QPCT: variants seen among roughly 807,000 people sequenced by gnomAD.
The protein encoded by QPCT is EC.
Under a neutral mutation model 43.4 loss-of-function variants are expected in QPCT, and 44 were observed. The observed-to-expected ratio is 1.01, with a 90% CI of 0.80 to 1.30. The LOEUF (loss-of-function observed/expected upper bound fraction) is 1.30. Ranked by LOEUF, QPCT falls within the 50% of genes most tolerant of loss-of-function variation. QPCT has a pLI of 0.00. For missense variants in QPCT, 526 were observed against 436.5 expected, an observed-to-expected ratio of 1.21 and a Z score of -1.83; for synonymous variants, 168 against 168.4, an observed-to-expected ratio of 1.00 and a Z score of 0.02.
At chr2:37,358,516 G>A (rs758916103) in intron 2 of QPCT, among the ~76,000 whole-genome samples, 9 of 152,080 alleles carry the variant, frequency 5.9e-5, no homozygotes, top group Non-Finnish European at 1.3e-4. Flanking sequence ...AGATAAAATA[G>A]GGATGGGAAA....
At chr2:37,350,536 C>A (rs1209637492) in intron 1 of QPCT, among the ~76,000 whole-genome samples, 1 of 152,192 alleles carries the variant, frequency 6.6e-6, no homozygotes, top group Non-Finnish European at 1.5e-5. Context: ...GATGTTCAGG[C>A]ACAGCACCAA....
chr2:37,361,614 G>A (rs905591990), intron 3 of QPCT, among the ~76,000 whole-genome samples: 1 of 152,220 alleles, frequency 6.6e-6, no homozygotes, highest in African/African-American at 2.4e-5. Flanking sequence ...GCAGAAGGAT[G>A]AGACACCTGG....
chr2:37,372,867 A>C lies in QPCT; in HGVS notation c.*40A>C. On this transcript the variant is annotated 3_prime_UTR_variant, in exon 7 of 7. Transcript: ENST00000338415. ...TTAGGATAATTGGTTCTAGAATTGAATTCAAAAGTCAAGGCATCATTTAAA... is the reference window on the plus strand; with the variant it reads ...TTAGGATAATTGGTTCTAGAATTGACTTCAAAAGTCAAGGCATCATTTAAA... The C allele has an allele frequency of 1.3e-6, 2 of 1,532,294 alleles. No individual in the cohort carries two copies. Among genetic ancestry groups the C allele is most frequent in the Non-Finnish European group, 1.8e-6 (2 of 1,126,648 alleles). The allele number at this position is 1,532,294 out of a possible 1,614,324, so 94.9% of individuals were successfully genotyped here. A position where few individuals can be genotyped will look rare whatever the true frequency, so the allele number is the denominator to read the frequency against.
rs1672437888 is a variant in QPCT, at chr2:37,344,632, T to G, written c.-100T>G. 6.8e-7 allele frequency: 1 copy of G among 1,464,632 alleles called. No individual in the cohort carries two copies. The highest frequency in any genetic ancestry group is 9.1e-7 in the Non-Finnish European group (1 of 1,104,888). 90.7% of individuals were successfully genotyped at this position (1,464,632 alleles called of 1,614,324 possible). A position where few individuals can be genotyped will look rare whatever the true frequency, so the allele number is the denominator to read the frequency against. On this transcript the variant is annotated 5_prime_UTR_variant, in exon 1 of 7. Coordinates refer to ENST00000338415, the MANE Select transcript of QPCT (RefSeq NM_012413.4). ...GGGGGCGATGGGAAGGCGGGCGCAGTCGACCCAAGGGTGGAGAAGAGGGAA... is the reference window on the plus strand; with the variant it reads ...GGGGGCGATGGGAAGGCGGGCGCAGGCGACCCAAGGGTGGAGAAGAGGGAA...
chr2:37,350,712 T>C (rs1672603354), intron 1 of QPCT, among the ~76,000 whole-genome samples: 1 of 152,336 alleles, frequency 6.6e-6, no homozygotes, highest in South Asian at 2.1e-4. Context: ...TCCACTAATA[T>C]AAATGAAGGA....
rs369596529 is a variant in QPCT, at chr2:37,359,692, T to A, written c.380T>A (p.Leu127His). The change falls in exon 3 of 7, where the codon CTC becomes CAC. Residue 127 changes from leucine to histidine, a missense_variant. By Grantham distance (99) the Leu-to-His change is moderately conservative. Transcript: ENST00000338415. ...TCTTTCTCAAATATCATCAGCACCC[T>A]CAATCCCACTGCTAAACGACATTTG... ...YRSFSNIIST[L>H]NPTAKRHLVL... 9.3e-6 allele frequency: 15 copies of A among 1,614,016 alleles called. No homozygotes were observed. The African/African-American group carries it at 1.7e-4, about 19-fold the overall frequency.
rs759531203 is a variant in QPCT, at chr2:37,359,707, A to C, written c.395A>C (p.Lys132Thr). The change falls in exon 3 of 7, where the codon AAA becomes ACA. Residue 132 changes from lysine (K) to threonine (T), a missense_variant. Physicochemically the swap from Lys to Thr is moderately conservative, Grantham distance 78. Coordinates refer to ENST00000338415, the MANE Select transcript of QPCT (RefSeq NM_012413.4). ...NIISTLNPTA[K>T]RHLVLACHYD... Reference sequence around the variant, plus strand: ...ATCAGCACCCTCAATCCCACTGCTAAACGACATTTGGTCCTCGCCTGCCAC... The same window carrying C: ...ATCAGCACCCTCAATCCCACTGCTACACGACATTTGGTCCTCGCCTGCCAC... 9.3e-6 allele frequency: 15 copies of C among 1,614,024 alleles called. No individual in the cohort carries two copies. In the East Asian group the frequency reaches 3.1e-4, roughly 34 times the overall value.
At position 37,367,504 on chromosome 2, in the gene QPCT, A is replaced by G. The variant is rs1672986346; in HGVS notation, c.723+96A>G. On this transcript the variant is annotated intron_variant, in intron 4 of 6. Transcript: ENST00000338415. ...AGTAAAGACCTAAAAATGCCACAGC[A>G]TCCTTGGAGCACAGTGTTTATGATA... 1.8e-5 allele frequency: 22 copies of G among 1,227,902 alleles called. No individual in the cohort carries two copies. The South Asian group carries it at 2.1e-4, about 12-fold the overall frequency. 76.1% of individuals were successfully genotyped at this position (1,227,902 alleles called of 1,614,324 possible). A position where few individuals can be genotyped will look rare whatever the true frequency, so the allele number is the denominator to read the frequency against.
At chr2:37,366,998 A>G in intron 3 of QPCT, 1 of 461,654 alleles carries the variant, frequency 2.2e-6, no homozygotes, top group Non-Finnish European at 3.8e-6. Flanking sequence ...AATATAAAAG[A>G]CTTCTATTTT....
chr2:37,361,969 T>C (rs780823620), intron 3 of QPCT, among the ~76,000 whole-genome samples: 1 of 152,230 alleles, frequency 6.6e-6, no homozygotes, highest in Non-Finnish European at 1.5e-5. Context: ...AGGCCATGGC[T>C]ATTTTTCTGC....
intron 1 of QPCT, among the ~76,000 whole-genome samples, chr2:37,351,183 C>G (rs1176876782): frequency 6.6e-6 from 1 of 152,230 alleles, no homozygotes; most frequent in Non-Finnish European, 1.5e-5. Flanking sequence ...TTAAGCGTAT[C>G]CAGCTAACAC....
In QPCT at chr2:37,359,695, A is replaced by G. The variant is rs1430482353; in HGVS notation, c.383A>G (p.Asn128Ser). 6.2e-7 allele frequency: 1 copy of G among 1,614,144 alleles called. No homozygotes were observed. Among genetic ancestry groups the G allele is most frequent in the Non-Finnish European group, 8.5e-7 (1 of 1,180,002 alleles). Residue 128 changes from asparagine (N) to serine (S), a missense_variant, in exon 3 of 7, where the codon AAT (asparagine) becomes AGT (serine). Coordinates refer to ENST00000338415, the MANE Select transcript of QPCT (RefSeq NM_012413.4). ...TTCTCAAATATCATCAGCACCCTCA[A>G]TCCCACTGCTAAACGACATTTGGTC... ...RSFSNIISTL[N>S]PTAKRHLVLA...
intron 2 of QPCT, among the ~76,000 whole-genome samples, chr2:37,357,315 A>AT (rs397973663): frequency 0.13 from 17,817 of 140,608 alleles, 3,322 homozygotes; most frequent in African/African-American, 0.41. Flanking sequence ...ATTTTGTGGA[A>AT]TTTTTTTTTT....
At chr2:37,352,029 CAA>C (rs756518422) in intron 1 of QPCT, among the ~76,000 whole-genome samples, 20 of 104,008 alleles carry the variant, frequency 1.9e-4, no homozygotes, top group Admixed American at 2.7e-4. Flanking sequence ...ACCCCAACTT[CAA>C]AAAAAAAAAA....
chr2:37,368,495 C>G, intron 4 of QPCT: 1 of 428,844 alleles, frequency 2.3e-6, no homozygotes, highest in Admixed American at 2.6e-5. Flanking sequence ...AGCTTATTCC[C>G]AGCACCCCCG....
At chr2:37,367,546 G>A (rs1672986993) in intron 4 of QPCT, 138 bp downstream of exon 4, 2 of 916,482 alleles carry the variant, frequency 2.2e-6, no homozygotes, top group Admixed American at 6.4e-5. Context: ...TCCTTGGCAG[G>A]CATTGGGTTT....
Position 37,361,353 on chromosome 2 carries a change from C to G in QPCT, c.546+1495C>G, listed in dbSNP as rs71437578. ...CAACTCTTCATAGCTCCACTTCTCT[C>G]CAGTAATAGGACTGTCATTACACAT... On this transcript the variant is annotated intron_variant, in intron 3 of 6. Transcript: ENST00000338415. Among the ~76,000 whole-genome samples the G allele has an allele frequency of 3.4e-3, 517 of 152,320 alleles. 1 individual carries two copies. Among genetic ancestry groups the G allele is most frequent in the Non-Finnish European group, 5.6e-3 (384 of 68,024 alleles).
chr2:37,347,357 G>C (rs1259855720), intron 1 of QPCT, among the ~76,000 whole-genome samples: 1 of 149,516 alleles, frequency 6.7e-6, no homozygotes, highest in Non-Finnish European at 1.5e-5. Flanking sequence ...TTGCACTAGT[G>C]AACTGAAGAG....
intron 3 of QPCT, among the ~76,000 whole-genome samples, chr2:37,360,613 G>A (rs1301377246): frequency 6.6e-6 from 1 of 152,136 alleles, no homozygotes; most frequent in East Asian, 1.9e-4. Context: ...CTTTATGAAG[G>A]GTCCAGCCTT....
Sources: gnomAD v4.1 joint callset for allele counts (sites outside exome capture counted in the v4.1 genomes callset) on GRCh38, gnomAD v4.1.1 for gene constraint, MANE v1.5 for transcripts, NCBI Gene and HGNC (gene_info 2026-07-23, HGNC 2026-07-21) for gene names.